Variants in DOCK4 observed in about 807,000 individuals in gnomAD.
DOCK4 encodes dedicator of cytokinesis 4, also known as dedicator of cytokinesis protein 4.
DOCK4 carries 97 observed loss-of-function variants against 268.1 expected under a neutral mutation model. The observed-to-expected ratio is 0.36, with a 90% CI of 0.31 to 0.43. The LOEUF (loss-of-function observed/expected upper bound fraction) is 0.43. Ranked by LOEUF, DOCK4 falls within the 20% of genes least tolerant of loss-of-function variation. DOCK4 has a pLI of 1.00. For synonymous variants in DOCK4, 954 were observed against 887.2 expected (o/e 1.08, Z -1.34); for missense variants, 2,145 against 2,455.7 (o/e 0.87, Z 2.67).
At chr7:112,037,070 T>C (rs1803865891) in intron 1 of DOCK4, among the ~76,000 whole-genome samples, 1 of 152,216 alleles carries the variant, frequency 6.6e-6, no homozygotes, top group African/African-American at 2.4e-5. Context: ...TATGGTATAA[T>C]GTTCTCCTGT....
chr7:111,775,468 T>C (rs1798383424), intron 36 of DOCK4, among the ~76,000 whole-genome samples: 1 of 152,114 alleles, frequency 6.6e-6, no homozygotes, highest in African/African-American at 2.4e-5. Context: ...AACACAACTA[T>C]TGGAGGACTC....
intron 1 of DOCK4, among the ~76,000 whole-genome samples, chr7:112,198,843 A>G (rs1013389411): frequency 6.6e-6 from 1 of 152,182 alleles, no homozygotes; most frequent in East Asian, 1.9e-4. Flanking sequence ...CCTGGAATAT[A>G]TTTTTGAAAT....
intron 26 of DOCK4, among the ~76,000 whole-genome samples, chr7:111,824,459 A>G (rs1289517499): frequency 6.6e-6 from 1 of 152,172 alleles, no homozygotes; most frequent in East Asian, 1.9e-4. Context: ...ACAATTAGTT[A>G]GGAACAGTAC....
intron 15 of DOCK4, among the ~76,000 whole-genome samples, chr7:111,900,022 C>T (rs915365001): frequency 6.6e-6 from 1 of 152,220 alleles, no homozygotes; most frequent in Non-Finnish European, 1.5e-5. Context: ...TGAATACTGT[C>T]TGAGAGAGTA....
intron 25 of DOCK4, among the ~76,000 whole-genome samples, chr7:111,837,651 A>T (rs186663100): frequency 1.3e-5 from 2 of 152,246 alleles, no homozygotes; most frequent in African/African-American, 4.8e-5. Context: ...TCATTAAAAT[A>T]TGAAATAATT....
At chr7:112,069,351 C>T (rs1006464736) in intron 1 of DOCK4, among the ~76,000 whole-genome samples, 1 of 152,186 alleles carries the variant, frequency 6.6e-6, no homozygotes, top group Non-Finnish European at 1.5e-5. Flanking sequence ...TAATGAAAGA[C>T]ATAATTCTTG....
intron 8 of DOCK4, among the ~76,000 whole-genome samples, chr7:111,960,611 A>C (rs1796802609): frequency 6.9e-6 from 1 of 144,652 alleles, no homozygotes; most frequent in Admixed American, 7.3e-5. Context: ...CATTGCTATT[A>C]ACCATAACCA....
At chr7:111,797,897 C>T (rs1166789870) in intron 30 of DOCK4, among the ~76,000 whole-genome samples, 1 of 152,032 alleles carries the variant, frequency 6.6e-6, no homozygotes. Flanking sequence ...CAGGCAGCTC[C>T]CAATATTAAA....
intron 25 of DOCK4, among the ~76,000 whole-genome samples, chr7:111,843,638 T>C (rs1164239928): frequency 6.6e-6 from 1 of 152,200 alleles, no homozygotes; most frequent in East Asian, 1.9e-4. Flanking sequence ...GAGCTACTAT[T>C]TTCCATAGTG....
intron 1 of DOCK4, among the ~76,000 whole-genome samples, chr7:112,028,745 A>G (rs1267526549): frequency 6.6e-6 from 1 of 152,188 alleles, no homozygotes; most frequent in Non-Finnish European, 1.5e-5. Flanking sequence ...CTGAAAACTG[A>G]GCACAGGTTG....
intron 39 of DOCK4, among the ~76,000 whole-genome samples, chr7:111,763,295 C>T (rs1427566452): frequency 6.6e-6 from 1 of 151,996 alleles, no homozygotes; most frequent in Non-Finnish European, 1.5e-5. Flanking sequence ...CTTTTAAATC[C>T]AAGACCAGAC....
intron 6 of DOCK4, among the ~76,000 whole-genome samples, chr7:111,986,550 G>C (rs1799067484): frequency 6.6e-6 from 1 of 152,186 alleles, no homozygotes; most frequent in Non-Finnish European, 1.5e-5. Flanking sequence ...AGGGAAGAGA[G>C]AGGATGAGAG....
At chr7:112,188,306 G>C (rs1250150512) in intron 1 of DOCK4, among the ~76,000 whole-genome samples, 2 of 152,196 alleles carry the variant, frequency 1.3e-5, no homozygotes, top group African/African-American at 4.8e-5. Context: ...GTGCCCAAGA[G>C]ACTCTCGAAC....
At position 111,737,977 on chromosome 7, in the gene DOCK4, A is replaced by G. The variant is rs560572117; in HGVS notation, c.5233-988T>C. ...TCACACAATCAGCAAAGACAAACCA[A>G]TGAAGCCAAATCCCACTCTCTCTCA... On this transcript the variant is annotated intron_variant, in intron 49 of 52. Coordinates refer to ENST00000428084, the MANE Select transcript of DOCK4 (RefSeq NM_001363540.2). Among the ~76,000 whole-genome samples the G allele has an allele frequency of 1.1e-4, 17 of 152,338 alleles. No individual in the cohort carries two copies. In the East Asian group the frequency reaches 2.9e-3, roughly 26 times the overall value.
chr7:112,140,267 C>T (rs1029974351), intron 1 of DOCK4, among the ~76,000 whole-genome samples: 1 of 152,130 alleles, frequency 6.6e-6, no homozygotes, highest in African/African-American at 2.4e-5. Flanking sequence ...AACTCTGAAA[C>T]GTGGAGATGT....
chr7:111,909,095 C>T (rs1056382576), intron 13 of DOCK4, among the ~76,000 whole-genome samples: 1 of 152,208 alleles, frequency 6.6e-6, no homozygotes, highest in Non-Finnish European at 1.5e-5. Context: ...GCCACACTGA[C>T]TTCCACAATG....
intron 1 of DOCK4, among the ~76,000 whole-genome samples, chr7:112,169,051 G>C (rs112883119): frequency 4.5e-4 from 68 of 152,348 alleles, no homozygotes; most frequent in African/African-American, 1.5e-3. Flanking sequence ...CCTAGTGGGA[G>C]GTGATTAGAT....
At chr7:111,938,436 G>A (rs1008335376) in intron 11 of DOCK4, among the ~76,000 whole-genome samples, 4 of 152,100 alleles carry the variant, frequency 2.6e-5, no homozygotes, top group Admixed American at 6.6e-5. Flanking sequence ...AATGGAATAC[G>A]AAAGCCAGTT....
At chr7:111,939,754 C>A (rs1449006338) in intron 11 of DOCK4, among the ~76,000 whole-genome samples, 2 of 152,068 alleles carry the variant, frequency 1.3e-5, no homozygotes, top group South Asian at 4.1e-4. Context: ...CTTCCCTTCC[C>A]CAATTCTAAT....
Sources: allele counts gnomAD v4.1 joint callset (sites outside exome capture counted in the v4.1 genomes callset), GRCh38; gene constraint gnomAD v4.1.1; transcripts MANE v1.5; gene names NCBI Gene and HGNC (gene_info 2026-07-23, HGNC 2026-07-21).